The following HECW2 variants were observed in gnomAD, a reference collection of about 807,000 sequenced individuals.
HECW2 encodes E3 ubiquitin-protein ligase HECW2.
HECW2 carries 61 observed loss-of-function variants against 175.2 expected under a neutral mutation model. That is an observed-to-expected ratio of 0.35 (90% CI 0.28 to 0.43). The LOEUF is 0.43. Among genes scored for constraint, HECW2 ranks in the 20% least tolerant of loss-of-function variants. HECW2 has a pLI of 1.00. For missense variants in HECW2, 1,524 were observed against 2,000.5 expected (o/e 0.76, Z 4.54); for synonymous variants, 671 against 731.0 (o/e 0.92, Z 1.32).
chr2:196,576,501 A>T (rs935449191), intron 1 of HECW2, among the ~76,000 whole-genome samples: 6 of 152,220 alleles, frequency 3.9e-5, no homozygotes, highest in South Asian at 2.1e-4. Flanking sequence ...TGTGGAATCG[A>T]AAACAGTCCA....
chr2:196,336,507 C>T (rs753312129), intron 3 of HECW2, among the ~76,000 whole-genome samples: 10 of 152,128 alleles, frequency 6.6e-5, no homozygotes, highest in Non-Finnish European at 1.0e-4. Flanking sequence ...CAATGGTTAG[C>T]GAGTGAGCAG....
At chr2:196,388,760 G>A (rs1210941675) in intron 2 of HECW2, among the ~76,000 whole-genome samples, 1 of 152,102 alleles carries the variant, frequency 6.6e-6, no homozygotes. Context: ...AAGATAAGAG[G>A]CAAATTTGTC....
chr2:196,332,834 T>C (rs1467411505), intron 4 of HECW2, among the ~76,000 whole-genome samples: 5 of 152,232 alleles, frequency 3.3e-5, no homozygotes, highest in African/African-American at 1.2e-4. Flanking sequence ...CAGTGCTTAC[T>C]ATGTGACATG....
chr2:196,416,487 G>A (rs1695259692), intron 2 of HECW2, among the ~76,000 whole-genome samples: 1 of 152,162 alleles, frequency 6.6e-6, no homozygotes. Flanking sequence ...AAACCTCTAT[G>A]AGCCTCCATC....
intron 21 of HECW2, among the ~76,000 whole-genome samples, chr2:196,232,222 T>C (rs553877027): frequency 1.3e-5 from 2 of 152,142 alleles, no homozygotes; most frequent in Non-Finnish European, 2.9e-5. Context: ...TAAAATGGGA[T>C]TTTGCCTGCT....
intron 13 of HECW2, among the ~76,000 whole-genome samples, chr2:196,302,569 G>GT (rs1365624143): frequency 6.6e-6 from 1 of 152,106 alleles, no homozygotes; most frequent in African/African-American, 2.4e-5. Context: ...TTTTCCTTTT[G>GT]TTTGTGTCTT....
At chr2:196,374,045 T>TAAA (rs148245930) in intron 2 of HECW2, among the ~76,000 whole-genome samples, 2 of 123,620 alleles carry the variant, frequency 1.6e-5, no homozygotes, top group South Asian at 2.4e-4. Flanking sequence ...AAAAATAAAA[T>TAAA]AAAATAAATA....
At chr2:196,535,703 AC>A (rs2125458240) in intron 1 of HECW2, among the ~76,000 whole-genome samples, 1 of 152,300 alleles carries the variant, frequency 6.6e-6, no homozygotes, top group East Asian at 1.9e-4. Context: ...CATCACAGTC[AC>A]CTTGGAAATG....
At position 196,433,140 on chromosome 2, in the gene HECW2, T is replaced by A. The variant is rs1457121018; in HGVS notation, c.284A>T (p.Tyr95Phe). 1 of 1,609,806 alleles carries A rather than the reference T, an allele frequency of 6.2e-7. No homozygotes were observed. The highest frequency in any genetic ancestry group is 8.5e-7 in the Non-Finnish European group (1 of 1,177,052). Residue 95 changes from tyrosine to phenylalanine, a missense_variant, in exon 2 of 29, where the codon TAT becomes TTT. Physicochemically the swap from Tyr to Phe is conservative, Grantham distance 22 (BLOSUM62 3). Around this residue, in one of 11 missense-constraint regions of HECW2, gnomAD observed 135 missense variants for 214.6 expected, o/e 0.63. Transcript: ENST00000644978. Reference protein sequence around the residue: ...EVDPSDWIGLYHIDENSPANF... With the variant: ...EVDPSDWIGLFHIDENSPANF... The stretch of plus-strand genomic sequence containing the variant: ...CATTCCACTTGACTCACCTATATGA[T>A]AAAGTCCAATCCAATCACTGGGGTC...
intron 1 of HECW2, among the ~76,000 whole-genome samples, chr2:196,568,071 G>A (rs1690243687): frequency 6.6e-6 from 1 of 151,796 alleles, no homozygotes; most frequent in Admixed American, 6.6e-5. Context: ...CTAATTGAAG[G>A]GTTTGCATGT....
chr2:196,448,249 T>C (rs1202054020), intron 1 of HECW2, among the ~76,000 whole-genome samples: 1 of 152,152 alleles, frequency 6.6e-6, no homozygotes, highest in Non-Finnish European at 1.5e-5. Flanking sequence ...TCAATGTAAA[T>C]AGATTTACTT....
At chr2:196,260,816 T>C (rs1689259242) in intron 17 of HECW2, among the ~76,000 whole-genome samples, 1 of 152,236 alleles carries the variant, frequency 6.6e-6, no homozygotes, top group Non-Finnish European at 1.5e-5. Flanking sequence ...TATAGACCAG[T>C]GATTCTCAAA....
chr2:196,194,822 G>A lies in HECW2; in HGVS notation c.*6455C>T, dbSNP rs1686634564. On this transcript the variant is annotated 3_prime_UTR_variant, in exon 29 of 29. Coordinates refer to ENST00000644978, the MANE Select transcript of HECW2 (RefSeq NM_001348768.2). ...ATACCACTATTAACTGTGACACACT[G>A]TGTGGTGAACGTAATGACTGAGGTT... 1 of 152,086 alleles carries A rather than the reference G, an allele frequency of 6.6e-6. No homozygotes were observed. Among genetic ancestry groups the A allele is most frequent in the African/African-American group, 2.4e-5 (1 of 41,422 alleles). 9.4% of individuals were successfully genotyped at this position (152,086 alleles called of 1,614,324 possible).
At chr2:196,348,176 A>C (rs1667939117) in intron 2 of HECW2, among the ~76,000 whole-genome samples, 1 of 152,228 alleles carries the variant, frequency 6.6e-6, no homozygotes, top group African/African-American at 2.4e-5. Context: ...GTCTAGCCTG[A>C]GAATCATTTT....
rs958369109 is a variant in HECW2 at position 196,430,321 on chromosome 2, A to T, written c.292+2811T>A. 9.2e-5 allele frequency among the ~76,000 whole-genome samples: 14 copies of T among 152,358 alleles called. No individual in the cohort carries two copies. In the Middle Eastern group the frequency reaches 0.014, roughly 148 times the overall value. ...TATTAGAAAAAAAATCAACACTGTTATTCCACAGAATTCAGAATTTCTACC... is the reference window on the plus strand; with the variant it reads ...TATTAGAAAAAAAATCAACACTGTTTTTCCACAGAATTCAGAATTTCTACC... On this transcript the variant is annotated intron_variant, in intron 2 of 28. Transcript: ENST00000644978.
At chr2:196,332,098 CTTT>C (rs1015822083) in intron 4 of HECW2, among the ~76,000 whole-genome samples, 1 of 151,540 alleles carries the variant, frequency 6.6e-6, no homozygotes, top group Non-Finnish European at 1.5e-5. Flanking sequence ...AGAGGTCCCC[CTTT>C]TTTTTTTAAT....
At chr2:196,206,351 C>T (rs1035642609) in intron 28 of HECW2, among the ~76,000 whole-genome samples, 1 of 152,216 alleles carries the variant, frequency 6.6e-6, no homozygotes, top group Non-Finnish European at 1.5e-5. Context: ...TAATAGATCT[C>T]TTGGTGCTTT....
At chr2:196,568,033 A>T (rs1285457170) in intron 1 of HECW2, among the ~76,000 whole-genome samples, 5 of 152,326 alleles carry the variant, frequency 3.3e-5, no homozygotes, top group Middle Eastern at 6.8e-3. Context: ...AATATTTCAA[A>T]CATATTTCCT....
intron 4 of HECW2, among the ~76,000 whole-genome samples, chr2:196,332,055 T>C (rs1288131436): frequency 6.6e-6 from 1 of 152,192 alleles, no homozygotes; most frequent in Non-Finnish European, 1.5e-5. Flanking sequence ...TGTATGCTGA[T>C]GAATGACAAT....
Sources: gnomAD v4.1 joint callset for allele counts (sites outside exome capture counted in the v4.1 genomes callset) on GRCh38, gnomAD v4.1.1 for gene constraint, gnomAD v4.1.1 regional missense constraint, MANE v1.5 for transcripts, NCBI Gene and HGNC (gene_info 2026-07-23, HGNC 2026-07-21) for gene names.